ANKAR: variants seen among roughly 807,000 people sequenced by gnomAD.
ANKAR encodes the protein ankyrin and armadillo repeat containing.
In ANKAR, 136 loss-of-function variants were observed where a neutral mutation model predicts 146.2. The observed-to-expected ratio is 0.93, with a 90% confidence interval of 0.81 to 1.07. The LOEUF is 1.07. Ranked by LOEUF, ANKAR falls within the 50% of genes least tolerant of loss-of-function variation. ANKAR has a pLI of 0.00. For synonymous variants in ANKAR, 500 were observed against 575.8 expected (o/e 0.87, Z 1.88); for missense variants, 1,567 against 1,679.9 (o/e 0.93, Z 1.18).
At position 189,676,662 on chromosome 2, in the gene ANKAR, A is replaced by C; in HGVS notation, c.172A>C (p.Lys58Gln). 1 of 1,614,198 alleles carries C rather than the reference A, an allele frequency of 6.2e-7. No individual in the cohort carries two copies. The highest frequency in any genetic ancestry group is 8.5e-7 in the Non-Finnish European group (1 of 1,180,044). Residue 58 changes from lysine (K) to glutamine (Q), a missense_variant, in exon 2 of 23, where the codon AAA (lysine) becomes CAA (glutamine). Coordinates refer to ENST00000684021, the MANE Select transcript of ANKAR (RefSeq NM_001378068.1). ...TTALVSWLSA[K>Q]EDVRSQVDLP... ...TGCACTAGTTAGCTGGTTGTCTGCC[A>C]AAGAGGATGTGCGCTCTCAAGTAGA...
downstream of ANKAR, among the ~76,000 whole-genome samples, chr2:189,750,054 T>C (rs748555133): frequency 3.3e-5 from 5 of 152,044 alleles, no homozygotes; most frequent in Admixed American, 6.6e-5. Context: ...ACCCAGAAGG[T>C]AGAGGTTGCA....
chr2:189,746,510 T>G lies in ANKAR; in HGVS notation c.4188T>G (p.Phe1396Leu), dbSNP rs1559154230. The part of the protein sequence containing the change: ...TKKTKDSHNI[F>L]SFSSTITSDI... Reference sequence around the variant, plus strand: ...AGACCAAGGATTCCCATAATATTTTTTCTTTTTCATCTACAATTACATCAG... The same window carrying G: ...AGACCAAGGATTCCCATAATATTTTGTCTTTTTCATCTACAATTACATCAG... The change falls in exon 23 of 23, where the codon TTT becomes TTG. Residue 1396 changes from phenylalanine to leucine, a missense_variant. By Grantham distance (22) the Phe-to-Leu change is conservative. Coordinates refer to ENST00000684021, the MANE Select transcript of ANKAR (RefSeq NM_001378068.1). 7 of 1,614,020 alleles carry G rather than the reference T, an allele frequency of 4.3e-6. No homozygotes were observed. Among genetic ancestry groups the G allele is most frequent in the African/African-American group, 1.3e-5 (1 of 75,054 alleles).
chr2:189,683,215 C>T (rs116189130), intron 2 of ANKAR, among the ~76,000 whole-genome samples: 292 of 152,260 alleles, frequency 1.9e-3, no homozygotes, highest in African/African-American at 6.6e-3. Context: ...TATAAGCTAC[C>T]CAGTCTGTGC....
intron 7 of ANKAR, among the ~76,000 whole-genome samples, chr2:189,704,700 AT>A (rs2038677720): frequency 6.7e-6 from 1 of 148,250 alleles, no homozygotes; most frequent in Admixed American, 6.7e-5. Context: ...ATTGACTTAA[AT>A]TTTCAAATAC....
chr2:189,725,657 C>T (rs2041803063), intron 12 of ANKAR, among the ~76,000 whole-genome samples: 1 of 152,194 alleles, frequency 6.6e-6, no homozygotes, highest in African/African-American at 2.4e-5. Flanking sequence ...CCTATAATCC[C>T]AGCACTTTGC....
intron 10 of ANKAR, among the ~76,000 whole-genome samples, chr2:189,713,456 C>G (rs555883398): frequency 1.3e-5 from 2 of 152,242 alleles, no homozygotes; most frequent in Non-Finnish European, 2.9e-5. Flanking sequence ...AGAGTGGGGG[C>G]CAATATTCAG....
intron 10 of ANKAR, among the ~76,000 whole-genome samples, chr2:189,713,181 T>C (rs527942715): frequency 1.3e-5 from 2 of 152,198 alleles, no homozygotes; most frequent in Admixed American, 1.3e-4. Context: ...TGGAACCAAG[T>C]TGGAAAACAT....
chr2:189,701,646 A>G (rs1240908456), intron 7 of ANKAR, among the ~76,000 whole-genome samples: 1 of 151,974 alleles, frequency 6.6e-6, no homozygotes, highest in Non-Finnish European at 1.5e-5. Context: ...AGTGTTTTTT[A>G]TCTGTAGCAT....
intron 20 of ANKAR, among the ~76,000 whole-genome samples, chr2:189,742,865 GACACACACACACAC>G (rs58780931): frequency 2.3e-5 from 1 of 42,992 alleles, no homozygotes; most frequent in Non-Finnish European, 6.2e-5. Flanking sequence ...AGAATTACCT[GACACACACACACAC>G]ACACACACAC....
In ANKAR at chr2:189,737,812, G is replaced by A. The variant is rs1011843213; in HGVS notation, c.3553G>A (p.Glu1185Lys). ...IFERFLESTV[E>K]TEKAMAAFQI... Reference sequence around the variant, plus strand: ...TGAACGTTTTCTTGAATCAACAGTTGAAACTGAGAAGGCAATGGCAGCATT... The same window carrying A: ...TGAACGTTTTCTTGAATCAACAGTTAAAACTGAGAAGGCAATGGCAGCATT... The change falls in exon 18 of 23, where the codon GAA becomes AAA. Residue 1185 changes from glutamate (E) to lysine (K), a missense_variant. Transcript: ENST00000684021. 1.3e-6 allele frequency: 2 copies of A among 1,571,104 alleles called. No individual in the cohort carries two copies. The highest frequency in any genetic ancestry group is 2.0e-5 in the Admixed American group (1 of 50,858).
chr2:189,757,963 C>A (rs748782864), intron 18 of ANKAR, among the ~76,000 whole-genome samples: 13 of 152,206 alleles, frequency 8.5e-5, no homozygotes, highest in Non-Finnish European at 1.5e-4. Context: ...CTGCCCAAAT[C>A]TCATGTAGAA....
intron 20 of ANKAR, 73 bp from the exon 21 acceptor site, chr2:189,743,202 A>G (rs937108328): frequency 1.6e-4 from 228 of 1,436,078 alleles, no homozygotes; most frequent in Non-Finnish European, 2.1e-4. Context: ...TTCCTATGAA[A>G]TAGCTAATTA....
chr2:189,702,032 C>G (rs2038147299), intron 7 of ANKAR, among the ~76,000 whole-genome samples: 1 of 152,140 alleles, frequency 6.6e-6, no homozygotes, highest in African/African-American at 2.4e-5. Flanking sequence ...TTCACCAGTG[C>G]TTCTCAGTCC....
chr2:189,692,126 A>C, intron 3 of ANKAR, 129 bp from the exon 4 acceptor site: 1 of 743,192 alleles, frequency 1.3e-6, no homozygotes, highest in South Asian at 2.1e-5. Context: ...TATGCACTAT[A>C]ATTGCCAAGA....
intron 20 of ANKAR, 89 bp downstream of exon 20, chr2:189,741,540 G>T: frequency 1.2e-6 from 1 of 830,838 alleles, no homozygotes; most frequent in South Asian, 1.8e-5. Flanking sequence ...TCCACTGATT[G>T]ACTGTGTTAT....
At chr2:189,729,480 A>T (rs2042193846) in intron 15 of ANKAR, among the ~76,000 whole-genome samples, 1 of 152,222 alleles carries the variant, frequency 6.6e-6, no homozygotes, top group Non-Finnish European at 1.5e-5. Context: ...TTTGCTTGCC[A>T]AAAGTTTCTT....
At chr2:189,693,201 G>T in intron 5 of ANKAR, 24 bp downstream of exon 5, 2 of 1,421,278 alleles carry the variant, frequency 1.4e-6, no homozygotes, top group South Asian at 2.5e-5. Context: ...ACTAATTACT[G>T]ACATTAACTA....
intron 12 of ANKAR, 108 bp downstream of exon 12, chr2:189,720,895 A>G (rs1247516827): frequency 2.2e-6 from 2 of 896,900 alleles, no homozygotes; most frequent in Non-Finnish European, 3.1e-6. Context: ...CTGTGTTTGA[A>G]TAGATCTAAA....
At chr2:189,695,390 G>A (rs1024364519) in intron 6 of ANKAR, among the ~76,000 whole-genome samples, 19 of 152,144 alleles carry the variant, frequency 1.2e-4, no homozygotes, top group South Asian at 4.1e-4. Flanking sequence ...CGGCTTATAC[G>A]TATTGATTGC....
Sources: gnomAD v4.1 joint callset for allele counts (sites outside exome capture counted in the v4.1 genomes callset) on GRCh38, gnomAD v4.1.1 for gene constraint, MANE v1.5 for transcripts, NCBI Gene and HGNC (gene_info 2026-07-23, HGNC 2026-07-21) for gene names.